Variants in DSCAM observed in about 807,000 individuals in gnomAD.
DSCAM encodes the protein cell adhesion molecule DSCAM.
In DSCAM, 47 loss-of-function variants were observed where a neutral mutation model predicts 217.7. The ratio of observed to expected loss-of-function variants is 0.22; its 90% CI spans 0.17 to 0.28. The LOEUF is 0.28. DSCAM is among the 10% of genes least tolerant of loss of function. The pLI is 1.00. For missense variants in DSCAM, 2,080 were observed against 2,618.3 expected (o/e 0.79, Z 4.49); for synonymous variants, 1,056 against 1,015.3 (o/e 1.04, Z -0.76).
At chr21:40,571,377 A>G (rs528689636) in intron 3 of DSCAM, among the ~76,000 whole-genome samples, 13 of 152,306 alleles carry the variant, frequency 8.5e-5, no homozygotes, top group African/African-American at 3.1e-4. Flanking sequence ...TTTGATCTTT[A>G]CACTTGATAT....
intron 30 of DSCAM, among the ~76,000 whole-genome samples, chr21:40,049,892 C>G (rs2088900950): frequency 6.6e-6 from 1 of 152,200 alleles, no homozygotes; most frequent in Non-Finnish European, 1.5e-5. Flanking sequence ...GTTGCCAGTG[C>G]TTTTGTTTTG....
intron 16 of DSCAM, among the ~76,000 whole-genome samples, chr21:40,150,776 G>C (rs575488310): frequency 6.6e-6 from 1 of 152,306 alleles, no homozygotes; most frequent in South Asian, 2.1e-4. Context: ...TAGGAACAAA[G>C]GGAGATGGTT....
intron 3 of DSCAM, among the ~76,000 whole-genome samples, chr21:40,558,887 T>G (rs950886728): frequency 6.6e-6 from 1 of 152,160 alleles, no homozygotes; most frequent in Non-Finnish European, 1.5e-5. Context: ...CAGGATGAAG[T>G]GAATTTATAA....
At chr21:40,283,726 T>C (rs565796988) in intron 10 of DSCAM, among the ~76,000 whole-genome samples, 1 of 152,328 alleles carries the variant, frequency 6.6e-6, no homozygotes, top group South Asian at 2.1e-4. Flanking sequence ...TTTCATCATA[T>C]ATGAATAAGG....
rs531780704 is a variant in DSCAM at position 40,356,413 on chromosome 21, A to G, written c.656-2670T>C. ...GATATATATATATATATATATGCAC[A>G]TTGTACATCACATTGTATACCTTAA... On this transcript the variant is annotated intron_variant, in intron 4 of 32. Coordinates refer to ENST00000400454, the MANE Select transcript of DSCAM (RefSeq NM_001389.5). Among the ~76,000 whole-genome samples the G allele has an allele frequency of 1.9e-4, 28 of 150,804 alleles. 1 individual carries two copies. The highest frequency in any genetic ancestry group is 6.3e-4 in the African/African-American group (26 of 41,130).
intron 3 of DSCAM, among the ~76,000 whole-genome samples, chr21:40,687,908 A>T (rs1368045165): frequency 6.6e-6 from 1 of 152,150 alleles, no homozygotes; most frequent in Non-Finnish European, 1.5e-5. Flanking sequence ...GTGATCTATG[A>T]TGCCCAGACC....
At chr21:40,480,149 G>C (rs139814107) in intron 3 of DSCAM, among the ~76,000 whole-genome samples, 110 of 152,330 alleles carry the variant, frequency 7.2e-4, no homozygotes, top group Admixed American at 1.5e-3. Flanking sequence ...TTCTCTGGGA[G>C]TCCTTGTTCA....
At chr21:40,645,676 G>A (rs902259914) in intron 3 of DSCAM, among the ~76,000 whole-genome samples, 4 of 152,040 alleles carry the variant, frequency 2.6e-5, no homozygotes, top group African/African-American at 7.3e-5. Context: ...CTCTATCTGA[G>A]GTAAATACTC....
chr21:40,371,310 C>T (rs1360410394), intron 3 of DSCAM, among the ~76,000 whole-genome samples: 1 of 151,912 alleles, frequency 6.6e-6, no homozygotes, highest in Non-Finnish European at 1.5e-5. Context: ...TCTTATGATA[C>T]ACATTGTGTA....
chr21:40,674,854 A>G (rs1168848672), intron 3 of DSCAM, among the ~76,000 whole-genome samples: 1 of 151,356 alleles, frequency 6.6e-6, no homozygotes, highest in Non-Finnish European at 1.5e-5. Flanking sequence ...GATGGTCTTG[A>G]CCTCCTGATC....
At chr21:40,605,176 A>T (rs1568933253) in intron 3 of DSCAM, among the ~76,000 whole-genome samples, 1 of 152,182 alleles carries the variant, frequency 6.6e-6, no homozygotes, top group Non-Finnish European at 1.5e-5. Flanking sequence ...AGCCTCACAT[A>T]CTTAGTCTCC....
intron 8 of DSCAM, among the ~76,000 whole-genome samples, chr21:40,333,332 T>A (rs2074396015): frequency 6.6e-6 from 1 of 152,226 alleles, no homozygotes; most frequent in African/African-American, 2.4e-5. Context: ...ATTTACTTTA[T>A]ATATTAATAT....
intron 3 of DSCAM, among the ~76,000 whole-genome samples, chr21:40,430,011 C>T (rs927046303): frequency 3.3e-5 from 5 of 152,128 alleles, no homozygotes; most frequent in Non-Finnish European, 5.9e-5. Context: ...GTGTAAAATA[C>T]AAATGAACAA....
chr21:40,664,975 C>A (rs1024834349), intron 3 of DSCAM, among the ~76,000 whole-genome samples: 2 of 152,110 alleles, frequency 1.3e-5, no homozygotes, highest in Non-Finnish European at 2.9e-5. Context: ...GGAACCTCCT[C>A]TTCTCTCCCT....
intron 3 of DSCAM, among the ~76,000 whole-genome samples, chr21:40,388,641 C>CA (rs138087936): frequency 2.3e-5 from 3 of 131,492 alleles, no homozygotes; most frequent in East Asian, 2.9e-4. Context: ...CCATTTTAAA[C>CA]CCCCCCTCCT....
rs1204192983 is a variant in DSCAM, at chr21:40,182,568, CCAGAGAAACTGTGGACAGGAGGGGCCAG to C, written c.2780-3502_2780-3475del. ...AGAAACCGTGGACAGGAGGGAGGTACCAGAGAAACTGTGGACAGGAGGGGCCAGCAGAGAAACCGTGGACAGAACGGGC... is the reference window on the plus strand; with the variant it reads ...AGAAACCGTGGACAGGAGGGAGGTACCAGAGAAACCGTGGACAGAACGGGC... On this transcript the variant is annotated intron_variant, in intron 14 of 32. Transcript: ENST00000400454. 6.3e-4 allele frequency among the ~76,000 whole-genome samples: 94 copies of C among 148,392 alleles called. No individual in the cohort carries two copies. In the East Asian group the frequency reaches 0.012, roughly 19 times the overall value.
chr21:40,021,051 T>G (rs1203022605), intron 32 of DSCAM, among the ~76,000 whole-genome samples: 1 of 145,984 alleles, frequency 6.9e-6, no homozygotes. Context: ...CTGAGATGAA[T>G]AAGGCTGGGG....
chr21:40,723,099 T>TC (rs1318979622), intron 1 of DSCAM, among the ~76,000 whole-genome samples: 1 of 152,066 alleles, frequency 6.6e-6, no homozygotes, highest in African/African-American at 2.4e-5. Context: ...TCTTTTTTTT[T>TC]TTTTTTAGTG....
chr21:40,626,074 G>A (rs566345857), intron 3 of DSCAM, among the ~76,000 whole-genome samples: 4 of 152,084 alleles, frequency 2.6e-5, no homozygotes, highest in Non-Finnish European at 4.4e-5. Flanking sequence ...GAATTCAACA[G>A]ATACAGAACC....
Sources: allele counts gnomAD v4.1 joint callset (sites outside exome capture counted in the v4.1 genomes callset), GRCh38; gene constraint gnomAD v4.1.1; transcripts MANE v1.5; gene names NCBI Gene and HGNC (gene_info 2026-07-23, HGNC 2026-07-21).